UBE2D4: variants seen among roughly 807,000 people sequenced by gnomAD.
UBE2D4 encodes ubiquitin conjugating enzyme E2 D4.
UBE2D4 carries 17 observed loss-of-function variants against 23.0 expected under a neutral mutation model. The ratio of observed to expected loss-of-function variants is 0.74; its 90% CI spans 0.51 to 1.11. UBE2D4 has a LOEUF of 1.11. UBE2D4 is among the 50% of genes least tolerant of loss of function. The pLI is 0.00. For missense variants in UBE2D4, 139 were observed against 181.8 expected (o/e 0.76, Z 1.35); for synonymous variants, 61 against 69.4 (o/e 0.88, Z 0.60).
At position 43,938,398 on chromosome 7, in the gene UBE2D4, A is replaced by G. The variant is rs371645361; in HGVS notation, c.25-33A>G. On this transcript the variant is annotated intron_variant, in intron 1 of 6. Coordinates refer to ENST00000222402, the MANE Select transcript of UBE2D4 (RefSeq NM_015983.4). ...TATGTAGAGGCAGCATCCCCAGCATACAGCAGCTCTGACCCACTCTCTCAT... is the reference window on the plus strand; with the variant it reads ...TATGTAGAGGCAGCATCCCCAGCATGCAGCAGCTCTGACCCACTCTCTCAT... 3 of 1,604,336 alleles carry G rather than the reference A, an allele frequency of 1.9e-6. No individual in the cohort carries two copies. In the African/African-American group the frequency reaches 4.0e-5, roughly 21 times the overall value.
Position 43,943,535 on chromosome 7 carries a change from TG to T in UBE2D4, c.198+505del, listed in dbSNP as rs750018328. The T allele has an allele frequency of 4.4e-4, 77 of 174,962 alleles. 1 individual carries two copies. Among genetic ancestry groups the T allele is most frequent in the Non-Finnish European group, 5.7e-4 (46 of 81,144 alleles). The allele number at this position is 174,962 out of a possible 1,614,324, so 10.8% of individuals were successfully genotyped here. On this transcript the variant is annotated intron_variant, in intron 4 of 6. Transcript: ENST00000222402. ...GAGCCACCCTTCCCATGACAGATAA[TG>T]ATCAGCCCCAAGTGTCAATAGTGCC...
At chr7:43,927,929 A>T (rs2095936413) in intron 1 of UBE2D4, 1 of 411,752 alleles carries the variant, frequency 2.4e-6, no homozygotes, top group Admixed American at 2.7e-5. Context: ...ACTGTGTATT[A>T]GTCTGTTTTG....
intron 1 of UBE2D4, chr7:43,928,085 G>A (rs752711336): frequency 2.0e-5 from 9 of 453,972 alleles, no homozygotes; most frequent in South Asian, 1.3e-4. Context: ...ATGGCAGAAA[G>A]CAAAGGAGAA....
intron 1 of UBE2D4, among the ~76,000 whole-genome samples, chr7:43,937,420 T>C (rs2095960840): frequency 6.6e-6 from 1 of 152,208 alleles, no homozygotes; most frequent in Admixed American, 6.5e-5. Flanking sequence ...ATGACCTCAC[T>C]TGTTCCCCAA....
intron 4 of UBE2D4, among the ~76,000 whole-genome samples, chr7:43,946,665 G>A (rs370261089): frequency 6.6e-6 from 1 of 152,032 alleles, no homozygotes; most frequent in African/African-American, 2.4e-5. Flanking sequence ...GTAATATTCT[G>A]TTGCTTATAT....
At position 43,949,157 on chromosome 7, in the gene UBE2D4, G is replaced by T. The variant is rs2095995698; in HGVS notation, c.304+420G>T. On this transcript the variant is annotated intron_variant, in intron 5 of 6. Coordinates refer to ENST00000222402, the MANE Select transcript of UBE2D4 (RefSeq NM_015983.4). ...TGCCTCCGGGGGCCTCGAAGTTGGT[G>T]GAGAAATCCTCCCTTCCCAAAATAA... is the stretch of plus-strand genomic sequence containing the variant. 2.0e-5 allele frequency: 5 copies of T among 250,192 alleles called. No individual in the cohort carries two copies. The East Asian group carries it at 3.7e-4, about 19-fold the overall frequency. 15.5% of individuals were successfully genotyped at this position (250,192 alleles called of 1,614,324 possible).
At chr7:43,943,324 C>G in intron 4 of UBE2D4, 4 of 536,440 alleles carry the variant, frequency 7.5e-6, no homozygotes, top group Non-Finnish European at 1.3e-5. Context: ...GGCTCTGGCT[C>G]CCTTCTCTGC....
At chr7:43,952,544 A>C in intron 6 of UBE2D4, 106 bp from the exon 7 acceptor site, 1 of 949,510 alleles carries the variant, frequency 1.1e-6, no homozygotes, top group Non-Finnish European at 1.7e-6. Context: ...ATGTTTGACA[A>C]GCAGCAGCAG....
Position 43,953,281 on chromosome 7 carries a change from G to C in UBE2D4, c.*586G>C, listed in dbSNP as rs756656390. ...CAGTCTCCTCCTGCAGTGCCACGTG[G>C]TGGCATTTCTCGCCTCACACCAAGA... On this transcript the variant is annotated 3_prime_UTR_variant, in exon 7 of 7. Transcript: ENST00000222402. 6.7e-6 allele frequency: 3 copies of C among 445,316 alleles called. No homozygotes were observed. The highest frequency in any genetic ancestry group is 1.4e-5 in the Non-Finnish European group (3 of 221,972). The allele number at this position is 445,316 out of a possible 1,614,324, so 27.6% of individuals were successfully genotyped here.
At chr7:43,929,602 C>T (rs1433592373) in intron 1 of UBE2D4, among the ~76,000 whole-genome samples, 1 of 152,038 alleles carries the variant, frequency 6.6e-6, no homozygotes, top group East Asian at 1.9e-4. Context: ...AGAGTGAGAC[C>T]CTGTCTTAAA....
chr7:43,951,805 G>A (rs777349512), intron 6 of UBE2D4: 2 of 152,152 alleles, frequency 1.3e-5, no homozygotes, highest in Non-Finnish European at 2.9e-5. Context: ...TTATAGGCGT[G>A]AGCCACCACA....
intron 2 of UBE2D4, among the ~76,000 whole-genome samples, chr7:43,939,304 C>G (rs1158624712): frequency 6.6e-6 from 1 of 152,376 alleles, no homozygotes; most frequent in Non-Finnish European, 1.5e-5. Context: ...GAGACTGAAG[C>G]AGCAGCTCTG....
chr7:43,935,947 C>T (rs1186822642), intron 1 of UBE2D4, among the ~76,000 whole-genome samples: 2 of 152,208 alleles, frequency 1.3e-5, no homozygotes, highest in Non-Finnish European at 2.9e-5. Context: ...CCCAGATGCT[C>T]TGCCCTGCCC....
chr7:43,949,096 G>A (rs2095995460), intron 5 of UBE2D4: 5 of 344,824 alleles, frequency 1.5e-5, no homozygotes, highest in Non-Finnish European at 2.6e-5. Context: ...AGCACAAAAC[G>A]GACTGTGAGT....
At chr7:43,951,470 G>A (rs142315705) in intron 6 of UBE2D4, among the ~76,000 whole-genome samples, 2 of 152,314 alleles carry the variant, frequency 1.3e-5, no homozygotes, top group African/African-American at 4.8e-5. Context: ...TTCAGTGAGT[G>A]CATTCTTCAG....
intron 1 of UBE2D4, among the ~76,000 whole-genome samples, chr7:43,930,274 CG>C (rs2095942515): frequency 6.6e-6 from 1 of 152,094 alleles, no homozygotes; most frequent in African/African-American, 2.4e-5. Flanking sequence ...AGGAGGAAGG[CG>C]GATGGGTGCT....
At chr7:43,938,065 A>G (rs1737068385) in intron 1 of UBE2D4, among the ~76,000 whole-genome samples, 2 of 152,122 alleles carry the variant, frequency 1.3e-5, no homozygotes, top group Admixed American at 1.3e-4. Context: ...TTTCTTCCAT[A>G]TCTTCAGCAC....
intron 2 of UBE2D4, 104 bp from the exon 3 acceptor site, chr7:43,942,722 G>A: frequency 6.6e-7 from 1 of 1,514,062 alleles, no homozygotes; most frequent in South Asian, 1.1e-5. Context: ...AGAAGTGAGT[G>A]CATCTTGTGT....
At chr7:43,934,901 GAA>G (rs953446309) in intron 1 of UBE2D4, among the ~76,000 whole-genome samples, 23 of 152,134 alleles carry the variant, frequency 1.5e-4, no homozygotes, top group Admixed American at 1.5e-3. Context: ...TAATTTTAGG[GAA>G]ATATATAGTG....
Sources: gnomAD v4.1 joint callset for allele counts (sites outside exome capture counted in the v4.1 genomes callset) on GRCh38, gnomAD v4.1.1 for gene constraint, MANE v1.5 for transcripts, NCBI Gene and HGNC (gene_info 2026-07-23, HGNC 2026-07-21) for gene names.